Variants in OPCML observed in about 807,000 individuals in gnomAD.
OPCML encodes opioid-binding protein/cell adhesion molecule.
A neutral mutation model predicts 37.8 loss-of-function variants in OPCML; 13 were observed. The ratio of observed to expected loss-of-function variants is 0.34; its 90% CI spans 0.22 to 0.55. OPCML has a LOEUF of 0.55. Among genes scored for constraint, OPCML ranks in the 20% least tolerant of loss-of-function variants. The probability of loss-of-function intolerance (pLI) is 0.91; values close to 1 mark genes in which losing one functional copy is unlikely to be tolerated. For synonymous variants in OPCML, 176 were observed against 168.8 expected, an observed-to-expected ratio of 1.04 and a Z score of -0.33; for missense variants, 341 against 435.6, an observed-to-expected ratio of 0.78 and a Z score of 1.93.
intron 1 of OPCML, among the ~76,000 whole-genome samples, chr11:133,160,006 G>A (rs1950119689): frequency 6.6e-6 from 1 of 152,216 alleles, no homozygotes; most frequent in Non-Finnish European, 1.5e-5. Context: ...GCTGAGTGCA[G>A]GCTCCTGGAA....
At chr11:133,158,753 A>AAAATAAAATG (rs1565478735) in intron 1 of OPCML, among the ~76,000 whole-genome samples, 3 of 150,542 alleles carry the variant, frequency 2.0e-5, no homozygotes, top group East Asian at 1.9e-4. Flanking sequence ...AAAATAAAAT[A>AAAATAAAATG]AAATGAAAAT....
At chr11:133,234,113 G>A (rs1160285591) in intron 1 of OPCML, among the ~76,000 whole-genome samples, 1 of 152,012 alleles carries the variant, frequency 6.6e-6, no homozygotes, top group African/African-American at 2.4e-5. Context: ...ATAAAGAGAG[G>A]GATTAGAATA....
intron 2 of OPCML, among the ~76,000 whole-genome samples, chr11:132,808,615 T>C (rs1295715370): frequency 6.6e-6 from 1 of 152,166 alleles, no homozygotes; most frequent in East Asian, 1.9e-4. Context: ...TTAGTGTAAA[T>C]GAAACACGAC....
chr11:133,275,275 A>ATAGATCAG (rs1256208861), intron 1 of OPCML, among the ~76,000 whole-genome samples: 1 of 152,220 alleles, frequency 6.6e-6, no homozygotes, highest in Non-Finnish European at 1.5e-5. Flanking sequence ...TTCGGGGTTT[A>ATAGATCAG]TAGATCAGTA....
chr11:132,896,585 C>T (rs1196054455), intron 2 of OPCML, among the ~76,000 whole-genome samples: 1 of 152,240 alleles, frequency 6.6e-6, no homozygotes, highest in Non-Finnish European at 1.5e-5. Context: ...CTTCAGCTGG[C>T]AAGGCCAGCA....
intron 7 of OPCML, among the ~76,000 whole-genome samples, chr11:132,434,268 T>C (rs886242760): frequency 2.6e-5 from 4 of 152,214 alleles, no homozygotes; most frequent in African/African-American, 9.6e-5. Flanking sequence ...CAGTGATAGT[T>C]GAGGAGCTGA....
At chr11:132,528,982 T>C in intron 4 of OPCML, 79 bp downstream of exon 4, 1 of 768,750 alleles carries the variant, frequency 1.3e-6, no homozygotes, top group South Asian at 2.1e-5. Flanking sequence ...TGTTTTCTGA[T>C]TCCTGAAGCT....
At chr11:133,357,913 CTCCACTG>C (rs938302848) in intron 1 of OPCML, among the ~76,000 whole-genome samples, 3 of 152,164 alleles carry the variant, frequency 2.0e-5, no homozygotes, top group African/African-American at 7.2e-5. Flanking sequence ...TCTCTCCACT[CTCCACTG>C]TCCCCAGCCA....
intron 1 of OPCML, among the ~76,000 whole-genome samples, chr11:132,974,305 T>C (rs1347282528): frequency 1.3e-5 from 2 of 152,228 alleles, no homozygotes; most frequent in Non-Finnish European, 2.9e-5. Flanking sequence ...TTTTCCAAAA[T>C]GTTCGCTTCC....
At chr11:133,344,046 T>C (rs1346539134) in intron 1 of OPCML, among the ~76,000 whole-genome samples, 3 of 152,192 alleles carry the variant, frequency 2.0e-5, no homozygotes, top group Non-Finnish European at 4.4e-5. Flanking sequence ...AGGAAACACA[T>C]TGACAAGGTG....
chr11:132,864,304 T>C (rs1462595938), intron 2 of OPCML, among the ~76,000 whole-genome samples: 1 of 152,182 alleles, frequency 6.6e-6, no homozygotes, highest in Non-Finnish European at 1.5e-5. Context: ...CTCCAATTAA[T>C]CTGCCTTTTG....
intron 1 of OPCML, among the ~76,000 whole-genome samples, chr11:133,200,144 T>C (rs1037684797): frequency 6.6e-6 from 1 of 152,162 alleles, no homozygotes; most frequent in African/African-American, 2.4e-5. Flanking sequence ...AACTCTTTAC[T>C]TACTCTTCAA....
intron 1 of OPCML, among the ~76,000 whole-genome samples, chr11:133,232,299 C>T (rs926436808): frequency 2.6e-5 from 4 of 152,156 alleles, no homozygotes; most frequent in Admixed American, 6.5e-5. Context: ...GTAGAGAAAG[C>T]GCAGAGTTTA....
intron 2 of OPCML, among the ~76,000 whole-genome samples, chr11:132,899,950 G>A (rs1300919272): frequency 2.0e-5 from 3 of 152,092 alleles, no homozygotes; most frequent in Admixed American, 6.5e-5. Context: ...CTCAGGCCCT[G>A]GAACTTGGAC....
intron 2 of OPCML, among the ~76,000 whole-genome samples, chr11:132,681,934 G>C (rs151020566): frequency 6.6e-6 from 1 of 151,072 alleles, no homozygotes; most frequent in Non-Finnish European, 1.5e-5. Flanking sequence ...CAGCCTGGGC[G>C]ACAGAGAGAG....
At chr11:132,814,806 C>T (rs553704029) in intron 2 of OPCML, among the ~76,000 whole-genome samples, 5 of 152,226 alleles carry the variant, frequency 3.3e-5, no homozygotes, top group African/African-American at 1.2e-4. Context: ...TTTCAGACTT[C>T]AGACTCCAAT....
chr11:133,184,177 C>A (rs1937966317), intron 1 of OPCML, among the ~76,000 whole-genome samples: 1 of 152,152 alleles, frequency 6.6e-6, no homozygotes, highest in African/African-American at 2.4e-5. Flanking sequence ...TTGTCTATTT[C>A]CTCACTCGCT....
chr11:132,475,260 T>C (rs954345116), intron 4 of OPCML, among the ~76,000 whole-genome samples: 2 of 152,226 alleles, frequency 1.3e-5, no homozygotes, highest in African/African-American at 4.8e-5. Context: ...TATTGCATTT[T>C]TCTTAAGTGA....
chr11:132,531,709 T>C (rs909952106), intron 3 of OPCML, among the ~76,000 whole-genome samples: 3 of 152,084 alleles, frequency 2.0e-5, no homozygotes, highest in African/African-American at 7.2e-5. Context: ...AAAAAAATAG[T>C]GTACATTCTA....
Sources: gnomAD v4.1 joint callset for allele counts (sites outside exome capture counted in the v4.1 genomes callset) on GRCh38, gnomAD v4.1.1 for gene constraint, MANE v1.5 for transcripts, NCBI Gene and HGNC (gene_info 2026-07-23, HGNC 2026-07-21) for gene names.